Variants in KCNQ5 observed in about 807,000 individuals in gnomAD.
KCNQ5 encodes potassium voltage-gated channel subfamily Q member 5.
A neutral mutation model predicts 98.2 loss-of-function variants in KCNQ5; 30 were observed. The ratio of observed to expected loss-of-function variants is 0.31; its 90% CI spans 0.23 to 0.41. KCNQ5 has a LOEUF of 0.41. KCNQ5 is among the 10% of genes least tolerant of loss of function. The pLI is 1.00. For missense variants in KCNQ5, 835 were observed against 1,182.5 expected (o/e 0.71, Z 4.31); for synonymous variants, 458 against 449.4 (o/e 1.02, Z -0.24).
intron 1 of KCNQ5, 27 bp from the exon 2 acceptor site, chr6:73,003,881 C>T: frequency 6.9e-7 from 1 of 1,453,150 alleles, no homozygotes. Flanking sequence ...AGGTTCTTAT[C>T]AGATTTCTCT....
At chr6:73,031,264 G>A (rs1175203433) in intron 2 of KCNQ5, among the ~76,000 whole-genome samples, 1 of 152,170 alleles carries the variant, frequency 6.6e-6, no homozygotes, top group Non-Finnish European at 1.5e-5. Flanking sequence ...AAATTAGGTA[G>A]TTACTGTCCT....
chr6:73,015,759 G>T (rs1480692683), intron 2 of KCNQ5, among the ~76,000 whole-genome samples: 1 of 152,016 alleles, frequency 6.6e-6, no homozygotes, highest in Non-Finnish European at 1.5e-5. Flanking sequence ...AATTTTACAG[G>T]GTTACTGGAA....
chr6:72,944,068 A>G (rs1300286678), intron 1 of KCNQ5, among the ~76,000 whole-genome samples: 7 of 152,218 alleles, frequency 4.6e-5, no homozygotes, highest in Admixed American at 4.6e-4. Flanking sequence ...TTCAACCACT[A>G]ATCTACAATG....
At chr6:72,966,045 A>C (rs1016975239) in intron 1 of KCNQ5, among the ~76,000 whole-genome samples, 4 of 152,170 alleles carry the variant, frequency 2.6e-5, no homozygotes, top group Admixed American at 6.6e-5. Context: ...GAGTTAGAGC[A>C]CTTCCCACCA....
At chr6:72,659,208 A>G (rs1399349549) in intron 1 of KCNQ5, among the ~76,000 whole-genome samples, 1 of 152,100 alleles carries the variant, frequency 6.6e-6, no homozygotes, top group East Asian at 1.9e-4. Flanking sequence ...TGTTTATCCA[A>G]CTGTCTTATT....
At chr6:73,130,202 G>C (rs937334740) in intron 9 of KCNQ5, among the ~76,000 whole-genome samples, 1 of 152,160 alleles carries the variant, frequency 6.6e-6, no homozygotes, top group East Asian at 1.9e-4. Context: ...ATCCCATGAA[G>C]GGCTAAAACC....
chr6:72,911,794 C>T lies in KCNQ5; in HGVS notation c.399-92114C>T, dbSNP rs141530274. 2.8e-3 allele frequency among the ~76,000 whole-genome samples: 420 copies of T among 152,092 alleles called. 2 individuals are homozygous for T. Among genetic ancestry groups the T allele is most frequent in the African/African-American group, 9.9e-3 (409 of 41,500 alleles). On this transcript the variant is annotated intron_variant, in intron 1 of 13. Transcript: ENST00000370398. ...TATGTTTTTATGGTGTGTCCAAATCCGGAGTAAAGACAAAGTTTTTTATTT... is the reference window on the plus strand; with the variant it reads ...TATGTTTTTATGGTGTGTCCAAATCTGGAGTAAAGACAAAGTTTTTTATTT...
chr6:72,969,448 T>C (rs1029735250), intron 1 of KCNQ5, among the ~76,000 whole-genome samples: 2 of 152,204 alleles, frequency 1.3e-5, no homozygotes, highest in African/African-American at 4.8e-5. Context: ...TGGTTGAACC[T>C]AATGGTTTGT....
intron 1 of KCNQ5, among the ~76,000 whole-genome samples, chr6:72,831,284 G>T (rs1028761631): frequency 6.6e-6 from 1 of 152,178 alleles, no homozygotes; most frequent in African/African-American, 2.4e-5. Context: ...GCACACATAT[G>T]TTTATTGCGG....
At chr6:72,885,754 A>G (rs1778821638) in intron 1 of KCNQ5, among the ~76,000 whole-genome samples, 1 of 152,224 alleles carries the variant, frequency 6.6e-6, no homozygotes, top group Non-Finnish European at 1.5e-5. Flanking sequence ...GCACAAGGGA[A>G]AGGAAGCAGA....
chr6:72,846,209 T>C (rs1777013709), intron 1 of KCNQ5, among the ~76,000 whole-genome samples: 1 of 152,110 alleles, frequency 6.6e-6, no homozygotes, highest in African/African-American at 2.4e-5. Context: ...ATCACATTTG[T>C]TTCATATATA....
chr6:73,055,197 G>C, intron 3 of KCNQ5: 1 of 976,792 alleles, frequency 1.0e-6, no homozygotes. Flanking sequence ...AGCCCAGCGG[G>C]CCATGAGGCG....
chr6:72,722,849 C>CTT (rs539617196), intron 1 of KCNQ5, among the ~76,000 whole-genome samples: 20,061 of 126,160 alleles, frequency 0.16, 1,814 homozygotes, highest in East Asian at 0.23. Flanking sequence ...GTTTGGTTGA[C>CTT]TTTTTTTTTT....
At chr6:72,810,660 C>G (rs570221080) in intron 1 of KCNQ5, among the ~76,000 whole-genome samples, 1 of 152,048 alleles carries the variant, frequency 6.6e-6, no homozygotes, top group African/African-American at 2.4e-5. Context: ...ATTATGACTG[C>G]GAGTAAGAGG....
chr6:73,105,454 A>G, intron 6 of KCNQ5, 87 bp downstream of exon 6: 4 of 676,966 alleles, frequency 5.9e-6, no homozygotes, highest in Admixed American at 2.6e-5. Flanking sequence ...ATGCTTGGGA[A>G]CATATCTATA....
At chr6:73,157,884 C>G (rs549145104) in intron 10 of KCNQ5, 4 of 777,826 alleles carry the variant, frequency 5.1e-6, no homozygotes, top group Non-Finnish European at 9.6e-6. Flanking sequence ...GAATATCGTT[C>G]AGCGCATTTT....
chr6:73,018,237 T>C (rs1053195297), intron 2 of KCNQ5, among the ~76,000 whole-genome samples: 2 of 152,180 alleles, frequency 1.3e-5, no homozygotes, highest in Non-Finnish European at 2.9e-5. Context: ...TTCTCTTCCA[T>C]AGGCTCCTTT....
chr6:72,829,237 A>G (rs186759236), intron 1 of KCNQ5, among the ~76,000 whole-genome samples: 1 of 152,288 alleles, frequency 6.6e-6, no homozygotes, highest in African/African-American at 2.4e-5. Context: ...TCAACTAGGT[A>G]GTGCTCATTT....
chr6:72,881,971 G>A (rs999402032), intron 1 of KCNQ5, among the ~76,000 whole-genome samples: 4 of 152,162 alleles, frequency 2.6e-5, no homozygotes, highest in African/African-American at 9.7e-5. Context: ...GATTACAAGC[G>A]TGAGCCACCA....
Sources: allele counts gnomAD v4.1 joint callset (sites outside exome capture counted in the v4.1 genomes callset), GRCh38; gene constraint gnomAD v4.1.1; transcripts MANE v1.5; gene names NCBI Gene and HGNC (gene_info 2026-07-23, HGNC 2026-07-21).